The following FBXO33 variants were observed in gnomAD, a reference collection of about 807,000 sequenced individuals.
FBXO33 encodes F-box protein 33, also known as F-box only protein 33.
Under a neutral mutation model 46.3 loss-of-function variants are expected in FBXO33, and 22 were observed. The observed-to-expected ratio is 0.48, with a 90% confidence interval of 0.34 to 0.68. The LOEUF (loss-of-function observed/expected upper bound fraction) is 0.68. Among genes scored for constraint, FBXO33 ranks in the 30% least tolerant of loss-of-function variants. The pLI, the probability that FBXO33 is intolerant of heterozygous loss-of-function variation, is 0.01. For synonymous variants in FBXO33, 337 were observed against 291.3 expected, an observed-to-expected ratio of 1.16 and a Z score of -1.60; for missense variants, 692 against 708.8, an observed-to-expected ratio of 0.98 and a Z score of 0.27.
chr14:39,408,818 C>T (rs2075410145), intron 1 of FBXO33, among the ~76,000 whole-genome samples: 1 of 151,936 alleles, frequency 6.6e-6, no homozygotes, highest in Non-Finnish European at 1.5e-5. Context: ...TGCTGTTTCC[C>T]AGCATGGAAT....
At chr14:39,400,075 T>C (rs1405004912) in intron 3 of FBXO33, among the ~76,000 whole-genome samples, 1 of 152,200 alleles carries the variant, frequency 6.6e-6, no homozygotes, top group Non-Finnish European at 1.5e-5. Context: ...AAAATAGACA[T>C]TTAAAGTATA....
At chr14:39,428,667 C>T (rs945538472) in intron 1 of FBXO33, among the ~76,000 whole-genome samples, 3 of 152,128 alleles carry the variant, frequency 2.0e-5, no homozygotes, top group Non-Finnish European at 4.4e-5. Context: ...AGTCTATTAC[C>T]TATTATCATA....
intron 1 of FBXO33, among the ~76,000 whole-genome samples, chr14:39,415,526 T>C (rs2075443906): frequency 6.6e-6 from 1 of 152,224 alleles, no homozygotes; most frequent in African/African-American, 2.4e-5. Flanking sequence ...GTATATATAA[T>C]AGTGCATTTT....
At chr14:39,422,528 C>T (rs911511585) in intron 1 of FBXO33, among the ~76,000 whole-genome samples, 3 of 152,234 alleles carry the variant, frequency 2.0e-5, no homozygotes, top group African/African-American at 7.2e-5. Context: ...AAAGTCCTTA[C>T]AAGAGCCTCA....
chr14:39,407,156 A>G (rs1309287095), intron 1 of FBXO33, among the ~76,000 whole-genome samples: 1 of 152,234 alleles, frequency 6.6e-6, no homozygotes, highest in Non-Finnish European at 1.5e-5. Context: ...AAAATTTAAA[A>G]AACAACTTTT....
chr14:39,400,410 A>AAATT (rs1200518291), intron 3 of FBXO33, among the ~76,000 whole-genome samples: 1 of 152,224 alleles, frequency 6.6e-6, no homozygotes, highest in African/African-American at 2.4e-5. Context: ...AGACTGGCTT[A>AAATT]AATTAACTTT....
intron 1 of FBXO33, among the ~76,000 whole-genome samples, chr14:39,423,616 T>C (rs1179204335): frequency 2.0e-5 from 3 of 152,168 alleles, no homozygotes; most frequent in Admixed American, 6.5e-5. Context: ...GTCTCAGACA[T>C]ACAACATTGA....
At chr14:39,400,710 C>T (rs189820808) in intron 3 of FBXO33, among the ~76,000 whole-genome samples, 1 of 152,072 alleles carries the variant, frequency 6.6e-6, no homozygotes, top group Admixed American at 6.5e-5. Flanking sequence ...GAGAACAGGT[C>T]ACATTAAAAT....
chr14:39,422,337 C>T (rs1323945794), intron 1 of FBXO33, among the ~76,000 whole-genome samples: 1 of 152,208 alleles, frequency 6.6e-6, no homozygotes, highest in Non-Finnish European at 1.5e-5. Flanking sequence ...CTGGTCTAAG[C>T]CACCATTACT....
At chr14:39,417,615 C>G (rs571475753) in intron 1 of FBXO33, among the ~76,000 whole-genome samples, 1 of 152,180 alleles carries the variant, frequency 6.6e-6, no homozygotes, top group East Asian at 1.9e-4. Context: ...ACTGCAACCT[C>G]CACCTCCTGG....
At chr14:39,431,485 A>G in intron 1 of FBXO33, 79 bp downstream of exon 1, 1 of 1,591,010 alleles carries the variant, frequency 6.3e-7, no homozygotes, top group Non-Finnish European at 8.5e-7. Flanking sequence ...GGCACGTATT[A>G]TGCACAGAAT....
intron 1 of FBXO33, among the ~76,000 whole-genome samples, chr14:39,411,911 G>A (rs889202397): frequency 5.9e-5 from 9 of 151,980 alleles, no homozygotes; most frequent in Non-Finnish European, 1.0e-4. Flanking sequence ...TATTATTGTG[G>A]TCAGAAAAGA....
intron 1 of FBXO33, among the ~76,000 whole-genome samples, chr14:39,426,012 C>A (rs1435862277): frequency 6.6e-6 from 1 of 152,108 alleles, no homozygotes; most frequent in Non-Finnish European, 1.5e-5. Context: ...CTAAGAATTA[C>A]CATCCCCTAA....
intron 1 of FBXO33, among the ~76,000 whole-genome samples, chr14:39,423,340 A>G (rs1002292006): frequency 6.6e-6 from 1 of 152,210 alleles, no homozygotes; most frequent in African/African-American, 2.4e-5. Context: ...TCAAATGGAC[A>G]ACCCGTTTTG....
intron 1 of FBXO33, 95 bp downstream of exon 1, chr14:39,431,469 T>C: frequency 1.7e-5 from 27 of 1,572,310 alleles, no homozygotes; most frequent in Non-Finnish European, 2.3e-5. Context: ...ACACTGAAGT[T>C]GGCCGGGCAC....
intron 1 of FBXO33, among the ~76,000 whole-genome samples, chr14:39,408,107 A>T (rs2075407211): frequency 6.6e-6 from 1 of 151,588 alleles, no homozygotes; most frequent in African/African-American, 2.4e-5. Context: ...TGCCTGGCTA[A>T]CTTTTTTTGT....
At chr14:39,425,578 T>C (rs957635713) in intron 1 of FBXO33, among the ~76,000 whole-genome samples, 7 of 152,374 alleles carry the variant, frequency 4.6e-5, no homozygotes, top group African/African-American at 1.7e-4. Context: ...GGGCTGGTTC[T>C]ATTCTTCTTA....
chr14:39,402,070 A>T (rs1246591837), intron 2 of FBXO33, among the ~76,000 whole-genome samples: 1 of 152,234 alleles, frequency 6.6e-6, no homozygotes, highest in Non-Finnish European at 1.5e-5. Context: ...GATCTATTAA[A>T]CACGTAGAAA....
chr14:39,404,544 T>C (rs534666460), intron 1 of FBXO33, among the ~76,000 whole-genome samples: 1 of 152,170 alleles, frequency 6.6e-6, no homozygotes, highest in East Asian at 2.0e-4. Context: ...GCCAGGATGG[T>C]GTCGATCTCC....
Sources: allele counts gnomAD v4.1 joint callset (sites outside exome capture counted in the v4.1 genomes callset), GRCh38; gene constraint gnomAD v4.1.1; transcripts MANE v1.5; gene names NCBI Gene and HGNC (gene_info 2026-07-23, HGNC 2026-07-21).